PTPRD: variants seen among roughly 807,000 people sequenced by gnomAD.
PTPRD encodes receptor-type tyrosine-protein phosphatase delta.
PTPRD carries 34 observed loss-of-function variants against 214.5 expected under a neutral mutation model. The ratio of observed to expected loss-of-function variants is 0.16; its 90% CI spans 0.12 to 0.21. The LOEUF (loss-of-function observed/expected upper bound fraction) is 0.21, where lower values mean the gene tolerates loss of function less well. Ranked by LOEUF, PTPRD falls within the 10% of genes least tolerant of loss-of-function variation. PTPRD has a pLI of 1.00. For missense variants in PTPRD, 2,545 were observed against 2,398.7 expected (o/e 1.06, Z -1.27); for synonymous variants, 1,128 against 845.7 (o/e 1.33, Z -5.79).
chr9:8,649,723 T>C (rs562982314), intron 12 of PTPRD, among the ~76,000 whole-genome samples: 34 of 152,350 alleles, frequency 2.2e-4, no homozygotes, highest in African/African-American at 7.7e-4. Context: ...GAGTTTTTAT[T>C]ACAAAGATTA....
At chr9:9,512,813 G>A (rs2096740765) in intron 8 of PTPRD, among the ~76,000 whole-genome samples, 2 of 151,150 alleles carry the variant, frequency 1.3e-5, no homozygotes, top group African/African-American at 2.4e-5. Flanking sequence ...GGGTTTCTGG[G>A]CTGCTATGCT....
At chr9:9,206,169 G>A (rs1244475770) in intron 9 of PTPRD, among the ~76,000 whole-genome samples, 1 of 152,178 alleles carries the variant, frequency 6.6e-6, no homozygotes, top group Non-Finnish European at 1.5e-5. Context: ...AGAACAAGGT[G>A]ACCAGTGTTG....
rs117316361 is a variant in PTPRD, at chr9:9,297,285, G to C, written c.-203+100164C>G. Among the ~76,000 whole-genome samples, 223 of 151,654 alleles carry C rather than the reference G, an allele frequency of 1.5e-3. 1 individual carries two copies. Among genetic ancestry groups the C allele is most frequent in the South Asian group, 4.8e-3 (23 of 4,816 alleles). On this transcript the variant is annotated intron_variant, in intron 9 of 45. Coordinates refer to ENST00000381196, the MANE Select transcript of PTPRD (RefSeq NM_002839.4). Reference sequence around the variant, plus strand: ...TTAAAATAATTGTTTCTATTTTTCTGCAATCTTTATAGGCCAGAAAATACA... The same window carrying C: ...TTAAAATAATTGTTTCTATTTTTCTCCAATCTTTATAGGCCAGAAAATACA...
At chr9:10,506,229 G>C (rs896567054) in intron 2 of PTPRD, among the ~76,000 whole-genome samples, 1 of 152,030 alleles carries the variant, frequency 6.6e-6, no homozygotes, top group Non-Finnish European at 1.5e-5. Context: ...AACATTTTGA[G>C]ATAATTTTAG....
intron 14 of PTPRD, among the ~76,000 whole-genome samples, chr9:8,617,911 T>C (rs536607180): frequency 5.9e-5 from 9 of 152,248 alleles, no homozygotes; most frequent in African/African-American, 2.2e-4. Flanking sequence ...ACTAAAGATG[T>C]ACCGTCTTTG....
In PTPRD at chr9:8,945,671, C is replaced by G. The variant is rs10977390; in HGVS notation, c.-104+73026G>C. Among the ~76,000 whole-genome samples the G allele has an allele frequency of 2.6e-5, 4 of 152,136 alleles. No homozygotes were observed. The East Asian group carries it at 7.8e-4, about 29-fold the overall frequency. Reference sequence around the variant, plus strand: ...CTCAGTTTACCTCACTGTCTTTTTCCTGTTTTATCATTGATTATTTGGTAA... The same window carrying G: ...CTCAGTTTACCTCACTGTCTTTTTCGTGTTTTATCATTGATTATTTGGTAA... On this transcript the variant is annotated intron_variant, in intron 11 of 45. Transcript: ENST00000381196.
chr9:9,830,810 A>G (rs2054576771), intron 5 of PTPRD, among the ~76,000 whole-genome samples: 1 of 151,868 alleles, frequency 6.6e-6, no homozygotes, highest in South Asian at 2.1e-4. Flanking sequence ...CCCCATTACA[A>G]ACTCTTCTAT....
chr9:8,990,581 C>G (rs950531816), intron 11 of PTPRD, among the ~76,000 whole-genome samples: 1 of 152,174 alleles, frequency 6.6e-6, no homozygotes, highest in Non-Finnish European at 1.5e-5. Context: ...AACAAGAATA[C>G]CTCTTCCCTC....
intron 11 of PTPRD, among the ~76,000 whole-genome samples, chr9:8,902,774 T>C (rs1041526208): frequency 1.3e-5 from 2 of 152,238 alleles, no homozygotes; most frequent in African/African-American, 4.8e-5. Context: ...CAACACATGG[T>C]ATACGGTGGT....
At chr9:9,906,555 A>G (rs1036259066) in intron 5 of PTPRD, among the ~76,000 whole-genome samples, 2 of 151,998 alleles carry the variant, frequency 1.3e-5, no homozygotes, top group Non-Finnish European at 1.5e-5. Context: ...TAAAGAAGTT[A>G]GTTGAAGACA....
intron 11 of PTPRD, among the ~76,000 whole-genome samples, chr9:8,781,021 A>G (rs1425902727): frequency 6.6e-6 from 1 of 152,226 alleles, no homozygotes; most frequent in South Asian, 2.1e-4. Flanking sequence ...TCTTCTCTTT[A>G]GGTTTAACTG....
intron 8 of PTPRD, among the ~76,000 whole-genome samples, chr9:9,508,938 T>G (rs746255479): frequency 6.6e-6 from 1 of 151,612 alleles, no homozygotes; most frequent in African/African-American, 2.4e-5. Flanking sequence ...ATATATATAT[T>G]AATTACATGT....
At chr9:9,973,775 TC>T (rs1342479661) in intron 4 of PTPRD, among the ~76,000 whole-genome samples, 1 of 151,812 alleles carries the variant, frequency 6.6e-6, no homozygotes, top group African/African-American at 2.4e-5. Flanking sequence ...GAGTAAGGAG[TC>T]TTTTTTTTTC....
intron 10 of PTPRD, among the ~76,000 whole-genome samples, chr9:9,152,276 C>T (rs888413515): frequency 2.0e-5 from 3 of 152,270 alleles, no homozygotes; most frequent in East Asian, 1.9e-4. Flanking sequence ...AGACATTACC[C>T]GTGACTTCAA....
intron 3 of PTPRD, among the ~76,000 whole-genome samples, chr9:10,053,798 G>C (rs1038611659): frequency 1.3e-4 from 20 of 152,054 alleles, no homozygotes; most frequent in Non-Finnish European, 1.5e-5. Flanking sequence ...TCACTCTGTA[G>C]CCCAGGCTGG....
chr9:10,278,822 T>G (rs1418101629), intron 3 of PTPRD, among the ~76,000 whole-genome samples: 2 of 151,446 alleles, frequency 1.3e-5, no homozygotes, highest in Non-Finnish European at 1.5e-5. Context: ...TTGCCCAGGC[T>G]GGAGTGCAGT....
chr9:9,505,032 G>C (rs1205901457), intron 8 of PTPRD, among the ~76,000 whole-genome samples: 3 of 151,524 alleles, frequency 2.0e-5, no homozygotes, highest in Non-Finnish European at 4.4e-5. Flanking sequence ...AGTAGTCAAG[G>C]ACACTTCCTC....
chr9:9,936,497 G>C (rs1325640457), intron 5 of PTPRD, among the ~76,000 whole-genome samples: 6 of 149,618 alleles, frequency 4.0e-5, no homozygotes. Flanking sequence ...CTGGCCATCA[G>C]AGAAATGCAA....
chr9:9,097,310 G>A (rs530709078), intron 10 of PTPRD, among the ~76,000 whole-genome samples: 2 of 152,072 alleles, frequency 1.3e-5, no homozygotes, highest in Admixed American at 6.6e-5. Flanking sequence ...TAAAGCAAAG[G>A]TTTTTGGGGT....
Sources: gnomAD v4.1 joint callset for allele counts (sites outside exome capture counted in the v4.1 genomes callset) on GRCh38, gnomAD v4.1.1 for gene constraint, MANE v1.5 for transcripts, NCBI Gene and HGNC (gene_info 2026-07-23, HGNC 2026-07-21) for gene names.